FBLN1: variants seen among roughly 807,000 people sequenced by gnomAD.
FBLN1 encodes the protein fibulin 1, also known as fibulin-1.
Under a neutral mutation model 89.7 loss-of-function variants are expected in FBLN1, and 34 were observed. The ratio of observed to expected loss-of-function variants is 0.38; its 90% confidence interval spans 0.29 to 0.50. FBLN1 has a LOEUF of 0.50. FBLN1 is among the 20% of genes least tolerant of loss of function. FBLN1 has a pLI of 0.92. For missense variants in FBLN1, 777 were observed against 988.1 expected, an observed-to-expected ratio of 0.79 and a Z score of 2.86; for synonymous variants, 393 against 391.3, an observed-to-expected ratio of 1.00 and a Z score of -0.05.
At chr22:45,559,122 T>G (rs929335052) in intron 14 of FBLN1, among the ~76,000 whole-genome samples, 2 of 152,238 alleles carry the variant, frequency 1.3e-5, no homozygotes, top group Middle Eastern at 6.3e-3. Context: ...ACAAATTGCT[T>G]CTGGTGGGCC....
In FBLN1 at chr22:45,545,977, G is replaced by A. The variant is rs2088621269; in HGVS notation, c.1322-1108G>A. Among the ~76,000 whole-genome samples the A allele has an allele frequency of 6.6e-6, 1 of 152,090 alleles. No homozygotes were observed. Among genetic ancestry groups the A allele is most frequent in the Non-Finnish European group, 1.5e-5 (1 of 68,028 alleles). On this transcript the variant is annotated intron_variant, in intron 11 of 16. Coordinates refer to ENST00000327858, the MANE Select transcript of FBLN1 (RefSeq NM_006486.3). This position sits in a 1 kb window ranked among gnomAD's most constrained non-coding sequence, Gnocchi z 5.9. ...AGTATGGCCAACATCGTGAAACCCT[G>A]TGTCTACTAAAAATACAAAAATTAG...
chr22:45,539,861 T>C (rs891965533), intron 8 of FBLN1, among the ~76,000 whole-genome samples: 2 of 152,206 alleles, frequency 1.3e-5, no homozygotes, highest in Non-Finnish European at 2.9e-5. Context: ...GAATCTAGTC[T>C]GAGTGAGGAA....
In FBLN1 at chr22:45,600,337, GC is replaced by G. The variant is rs1294961684; in HGVS notation, c.2006del (p.Pro669HisfsTer6). The G allele has an allele frequency of 6.2e-7, 1 of 1,614,204 alleles. No homozygotes were observed. Among genetic ancestry groups the G allele is most frequent in the Admixed American group, 1.7e-5 (1 of 60,028 alleles). ...GVVRQVRPIVGPFHAVLKLEM... is the reference protein window; with the variant it reads ...GVVRQVRPIVXPFHAVLKLEM... The stretch of plus-strand genomic sequence containing the variant: ...GTGCGCCAGGTGCGGCCCATCGTGG[GC>G]CCATTTCATGCCGTCCTGAAGCTGG... On this transcript the variant is annotated frameshift_variant, in exon 17 of 17. Coordinates refer to ENST00000327858, the MANE Select transcript of FBLN1 (RefSeq NM_006486.3). LOFTEE classifies it high-confidence loss of function.
At chr22:45,586,604 G>T (rs112394413) in intron 16 of FBLN1, among the ~76,000 whole-genome samples, 2 of 152,220 alleles carry the variant, frequency 1.3e-5, no homozygotes, top group African/African-American at 4.8e-5. Context: ...AGCACCTGGC[G>T]GGCATCTGAA....
chr22:45,586,294 G>A (rs902842078), intron 16 of FBLN1, among the ~76,000 whole-genome samples: 1 of 152,206 alleles, frequency 6.6e-6, no homozygotes, highest in South Asian at 2.1e-4. Context: ...GGTACAGCCC[G>A]CTCAGCACCC....
intron 1 of FBLN1, chr22:45,517,408 G>A (rs902167835): frequency 5.3e-5 from 20 of 376,012 alleles, no homozygotes; most frequent in African/African-American, 3.8e-4. Context: ...GCACAATGGG[G>A]TCTTCTCCCT....
intron 14 of FBLN1, among the ~76,000 whole-genome samples, chr22:45,564,585 CT>C (rs973360856): frequency 9.9e-5 from 15 of 152,254 alleles, no homozygotes; most frequent in Non-Finnish European, 2.9e-5. Context: ...CCTGCCACCC[CT>C]GGCTTCTGTT....
At chr22:45,547,012 A>C in intron 11 of FBLN1, 73 bp from the exon 12 acceptor site, 2 of 1,609,502 alleles carry the variant, frequency 1.2e-6, no homozygotes, top group South Asian at 2.2e-5. Context: ...TTTTCTGTTC[A>C]CTGACCCTGA....
chr22:45,555,248 C>CATATATATATATATATATAAAATGGA (rs71779159), intron 14 of FBLN1, among the ~76,000 whole-genome samples: 1 of 135,126 alleles, frequency 7.4e-6, no homozygotes, highest in East Asian at 2.0e-4. Context: ...ATGGAATATA[C>CATATATATATATATATATAAAATGGA]ATATATATAT....
At position 45,588,408 on chromosome 22, in the gene FBLN1, G is replaced by A. The variant is rs1176830616; in HGVS notation, c.1972+11300G>A. Reference sequence around the variant, plus strand: ...GAGTTGTGGCATTGGGAGTTTCTTCGCTTGACTTTCAATTCCACCAAACAA... The same window carrying A: ...GAGTTGTGGCATTGGGAGTTTCTTCACTTGACTTTCAATTCCACCAAACAA... On this transcript the variant is annotated intron_variant, in intron 16 of 16. Transcript: ENST00000327858. This position sits in a 1 kb window ranked among gnomAD's most constrained non-coding sequence, Gnocchi z 5.1. Among the ~76,000 whole-genome samples the A allele has an allele frequency of 2.6e-5, 4 of 152,290 alleles. No individual in the cohort carries two copies. Among genetic ancestry groups the A allele is most frequent in the East Asian group, 1.9e-4 (1 of 5,190 alleles).
rs1414295253 is a variant in FBLN1, at chr22:45,531,159, T to C, written c.485-106T>C. On this transcript the variant is annotated intron_variant, in intron 4 of 16. Transcript: ENST00000327858. The surrounding 1 kb of genome is among the most constrained non-coding windows in gnomAD (Gnocchi z 4.9). ...TAGCTGTTTATATAAGATGTTCAAA[T>C]GGGCATTACTGCCTGATAGTGACAA... 6 of 915,474 alleles carry C rather than the reference T, an allele frequency of 6.6e-6. 1 individual carries two copies. Among genetic ancestry groups the C allele is most frequent in the Non-Finnish European group, 1.1e-5 (6 of 545,452 alleles). The allele number at this position is 915,474 out of a possible 1,614,324, so 56.7% of individuals were successfully genotyped here. A position where few individuals can be genotyped will look rare whatever the true frequency, so the allele number is the denominator to read the frequency against.
chr22:45,505,896 C>G (rs1326500405), intron 1 of FBLN1, among the ~76,000 whole-genome samples: 1 of 152,128 alleles, frequency 6.6e-6, no homozygotes, highest in East Asian at 1.9e-4. Flanking sequence ...TTCAGCCTCC[C>G]CAGCAGCTGG....
intron 2 of FBLN1, among the ~76,000 whole-genome samples, chr22:45,523,988 T>C (rs913830491): frequency 6.6e-5 from 10 of 152,372 alleles, no homozygotes; most frequent in African/African-American, 2.4e-4. Context: ...GATGCACGCA[T>C]GGCTGGTGGC....
At chr22:45,600,088 A>C (rs2089218307) in intron 16 of FBLN1, among the ~76,000 whole-genome samples, 1 of 152,180 alleles carries the variant, frequency 6.6e-6, no homozygotes, top group Non-Finnish European at 1.5e-5. Context: ...GCAAGTAGTG[A>C]GTTCACTTTC....
chr22:45,558,101 C>A (rs1158926891), intron 14 of FBLN1: 1 of 716,770 alleles, frequency 1.4e-6, no homozygotes, highest in Non-Finnish European at 2.6e-6. Flanking sequence ...ATGAGGCCAT[C>A]GGTGCAGGCT....
rs2087964824 is a variant in FBLN1, at chr22:45,502,965, A to G, written c.-21A>G. On this transcript the variant is annotated 5_prime_UTR_variant, in exon 1 of 17. Coordinates refer to ENST00000327858, the MANE Select transcript of FBLN1 (RefSeq NM_006486.3). The stretch of plus-strand genomic sequence containing the variant: ...CCCGCGCCTTTGTCCGCCGCCGCCC[A>G]CCGCCCGTCGCCCGCCGCCCATGGA... The G allele has an allele frequency of 1.8e-6, 2 of 1,118,580 alleles. No homozygotes were observed. The highest frequency in any genetic ancestry group is 1.7e-5 in the African/African-American group (1 of 60,164). 69.3% of individuals were successfully genotyped at this position (1,118,580 alleles called of 1,614,324 possible).
At chr22:45,570,336 A>AG (rs2088941426) in intron 14 of FBLN1, among the ~76,000 whole-genome samples, 1 of 68,000 alleles carries the variant, frequency 1.5e-5, no homozygotes, top group Non-Finnish European at 2.8e-5. Flanking sequence ...AAAAAAAAAA[A>AG]AAAGAAAAGA....
chr22:45,529,441 G>C (rs938963339), intron 4 of FBLN1, among the ~76,000 whole-genome samples: 1 of 152,210 alleles, frequency 6.6e-6, no homozygotes, highest in Non-Finnish European at 1.5e-5. Flanking sequence ...CTTACACTTA[G>C]GCCACGGTTT....
At chr22:45,591,112 T>G (rs1290704140) in intron 16 of FBLN1, among the ~76,000 whole-genome samples, 1 of 152,208 alleles carries the variant, frequency 6.6e-6, no homozygotes, top group Non-Finnish European at 1.5e-5. Context: ...AGACCTTGTC[T>G]TCCTTTGGCA....
Sources: gnomAD v4.1 joint callset for allele counts (sites outside exome capture counted in the v4.1 genomes callset) on GRCh38, gnomAD v4.1.1 for gene constraint, Gnocchi (gnomAD v3.1) non-coding constraint, MANE v1.5 for transcripts, NCBI Gene and HGNC (gene_info 2026-07-23, HGNC 2026-07-21) for gene names.